USP15: variants seen among roughly 807,000 people sequenced by gnomAD.
USP15 encodes ubiquitin carboxyl-terminal hydrolase 15.
USP15 carries 18 observed loss-of-function variants against 127.1 expected under a neutral mutation model. The ratio of observed to expected loss-of-function variants is 0.14; its 90% CI spans 0.10 to 0.21. The LOEUF (loss-of-function observed/expected upper bound fraction) is 0.21, where lower values mean the gene tolerates loss of function less well. Among genes scored for constraint, USP15 ranks in the 10% least tolerant of loss-of-function variants. The probability of loss-of-function intolerance (pLI) is 1.00; values close to 1 mark genes in which losing one functional copy is unlikely to be tolerated. For synonymous variants in USP15, 364 were observed against 393.7 expected (o/e 0.92, Z 0.89); for missense variants, 805 against 1,159.9 (o/e 0.69, Z 4.44).
intron 8 of USP15, among the ~76,000 whole-genome samples, chr12:62,370,847 C>T (rs964381467): frequency 6.6e-6 from 1 of 152,136 alleles, no homozygotes; most frequent in Non-Finnish European, 1.5e-5. Flanking sequence ...CTCAAGATGC[C>T]TACTTACACT....
intron 3 of USP15, among the ~76,000 whole-genome samples, chr12:62,307,121 T>C (rs1030148306): frequency 6.6e-6 from 1 of 152,104 alleles, no homozygotes; most frequent in African/African-American, 2.4e-5. Flanking sequence ...TAAGATCCAG[T>C]GGAGACCTAC....
At chr12:62,328,206 C>A in intron 6 of USP15, 1 of 380,992 alleles carries the variant, frequency 2.6e-6, no homozygotes, top group Non-Finnish European at 5.3e-6. Flanking sequence ...GAAAATTCAG[C>A]AAGGTTGTCT....
At chr12:62,396,430 C>G in intron 20 of USP15, 32 bp downstream of exon 20, 1 of 1,587,346 alleles carries the variant, frequency 6.3e-7, no homozygotes, top group Non-Finnish European at 8.6e-7. Flanking sequence ...TTACCCAAAT[C>G]ATGGTGTTTG....
At chr12:62,294,442 CATT>C in intron 2 of USP15, 136 bp downstream of exon 2, 1 of 893,406 alleles carries the variant, frequency 1.1e-6, no homozygotes. Flanking sequence ...CTAATGAACT[CATT>C]ATTCTAATAA....
chr12:62,411,347 G>T lies in USP15; in HGVS notation c.*6972G>T, dbSNP rs1273133776. ...AACCATCTGTTCTGTATCTGTTAAGGCCTCTAGAGCTTCATTCATTCCTTC... is the reference window on the plus strand; with the variant it reads ...AACCATCTGTTCTGTATCTGTTAAGTCCTCTAGAGCTTCATTCATTCCTTC... On this transcript the variant is annotated 3_prime_UTR_variant, in exon 22 of 22. Coordinates refer to ENST00000280377, the MANE Select transcript of USP15 (RefSeq NM_001252078.2). The T allele has an allele frequency of 6.6e-6, 1 of 152,094 alleles. No homozygotes were observed. Among genetic ancestry groups the T allele is most frequent in the South Asian group, 2.1e-4 (1 of 4,820 alleles). 9.4% of individuals were successfully genotyped at this position (152,094 alleles called of 1,614,324 possible).
At chr12:62,267,597 C>T (rs1010725958) in intron 1 of USP15, among the ~76,000 whole-genome samples, 1 of 151,976 alleles carries the variant, frequency 6.6e-6, no homozygotes, top group African/African-American at 2.4e-5. Context: ...GCTAACTGTC[C>T]CTTCCATTCT....
At chr12:62,264,417 TTA>T (rs1239250452) in intron 1 of USP15, among the ~76,000 whole-genome samples, 1 of 152,236 alleles carries the variant, frequency 6.6e-6, no homozygotes, top group East Asian at 1.9e-4. Flanking sequence ...TCAGTAATTT[TTA>T]TGTGTGATTA....
intron 20 of USP15, among the ~76,000 whole-genome samples, chr12:62,397,336 A>T (rs2067523210): frequency 6.6e-6 from 1 of 152,212 alleles, no homozygotes; most frequent in South Asian, 2.1e-4. Flanking sequence ...AGTCTAGTAG[A>T]ATTAACCTGT....
rs562889056 is a variant in USP15, at chr12:62,305,672, G to A, written c.348+2752G>A. The stretch of plus-strand genomic sequence containing the variant: ...GAAAACATTAATAATAATTTTTATG[G>A]AGTTGAAAATGTGTATAGAATTAAC... On this transcript the variant is annotated intron_variant, in intron 3 of 21. Coordinates refer to ENST00000280377, the MANE Select transcript of USP15 (RefSeq NM_001252078.2). The A allele has an allele frequency of 2.5e-4, 38 of 152,230 alleles. 1 individual carries two copies. The highest frequency in any genetic ancestry group is 5.9e-4 in the Admixed American group (9 of 15,290). 9.4% of individuals were successfully genotyped at this position (152,230 alleles called of 1,614,324 possible).
Position 62,407,351 on chromosome 12 carries a change from G to A in USP15, c.*2976G>A, listed in dbSNP as rs1177295446. On this transcript the variant is annotated 3_prime_UTR_variant, in exon 22 of 22. Coordinates refer to ENST00000280377, the MANE Select transcript of USP15 (RefSeq NM_001252078.2). ...ATACTACCTCTCACTGTGTTATAGT[G>A]TCTGCCTCATAGGATTGTTGAGAGC... 3 of 152,140 alleles carry A rather than the reference G, an allele frequency of 2.0e-5. No homozygotes were observed. Among genetic ancestry groups the A allele is most frequent in the Non-Finnish European group, 4.4e-5 (3 of 68,026 alleles). 9.4% of individuals were successfully genotyped at this position (152,140 alleles called of 1,614,324 possible). A position where few individuals can be genotyped will look rare whatever the true frequency, so the allele number is the denominator to read the frequency against.
intron 4 of USP15, among the ~76,000 whole-genome samples, chr12:62,320,190 G>A (rs545248810): frequency 1.3e-5 from 2 of 152,186 alleles, no homozygotes; most frequent in African/African-American, 4.8e-5. Flanking sequence ...TGTGTTGGAG[G>A]AGGTGCCTGC....
At chr12:62,293,562 G>T (rs1282561591) in intron 1 of USP15, among the ~76,000 whole-genome samples, 1 of 152,042 alleles carries the variant, frequency 6.6e-6, no homozygotes, top group Non-Finnish European at 1.5e-5. Context: ...CACGATGTTG[G>T]CCAGGCTGGT....
chr12:62,347,935 A>G (rs1288678195), intron 6 of USP15, among the ~76,000 whole-genome samples: 1 of 152,174 alleles, frequency 6.6e-6, no homozygotes, highest in African/African-American at 2.4e-5. Context: ...GCAGCCTGTA[A>G]TCACACCTGT....
At chr12:62,275,937 A>G (rs996551222) in intron 1 of USP15, among the ~76,000 whole-genome samples, 2 of 152,082 alleles carry the variant, frequency 1.3e-5, no homozygotes, top group East Asian at 1.9e-4. Context: ...AGGGTATGCT[A>G]TGGACATGGT....
rs17126124 is a variant in USP15 at position 62,335,473 on chromosome 12, C to G, written c.683+9540C>G. The G allele has an allele frequency of 4.5e-3, 5,791 of 1,278,112 alleles. 222 individuals carry two copies. The African/African-American group carries it at 0.079, about 18-fold the overall frequency. 79.2% of individuals were successfully genotyped at this position (1,278,112 alleles called of 1,614,324 possible). A position where few individuals can be genotyped will look rare whatever the true frequency, so the allele number is the denominator to read the frequency against. ...GATCACCTTACTATTTAAGGACAGT[C>G]CCTCTACTCTACCTGTAGTATTTAT... On this transcript the variant is annotated intron_variant, in intron 6 of 21. Transcript: ENST00000280377.
intron 6 of USP15, among the ~76,000 whole-genome samples, chr12:62,341,113 C>G (rs1219077816): frequency 1.3e-5 from 2 of 152,088 alleles, no homozygotes; most frequent in Admixed American, 1.3e-4. Flanking sequence ...GCATTGATCC[C>G]TTTACCGTTA....
At chr12:62,272,891 C>T (rs909868684) in intron 1 of USP15, among the ~76,000 whole-genome samples, 7 of 151,990 alleles carry the variant, frequency 4.6e-5, no homozygotes, top group Admixed American at 1.3e-4. Flanking sequence ...TGTATTTGAT[C>T]GTTCCAGTAA....
intron 6 of USP15, among the ~76,000 whole-genome samples, chr12:62,348,775 C>G (rs529896358): frequency 4.0e-5 from 6 of 151,894 alleles, no homozygotes; most frequent in Non-Finnish European, 7.4e-5. Context: ...CTATTTTGTC[C>G]CCATTGCCTT....
rs1052512762 is a variant in USP15 at position 62,302,846 on chromosome 12, T to C, written c.274T>C (p.Leu92=). 4 of 1,613,124 alleles carry C rather than the reference T, an allele frequency of 2.5e-6. No homozygotes were observed. The highest frequency in any genetic ancestry group is 2.2e-5 in the East Asian group (1 of 44,836). ...HLIDELDYIL[L]PTEGWNKLVS... is the part of the protein sequence containing the mutation. Reference sequence around the variant, plus strand: ...TATTGATGAATTGGATTACATACTGTTGCCAACTGAAGGTTGGAATAAACT... The same window carrying C: ...TATTGATGAATTGGATTACATACTGCTGCCAACTGAAGGTTGGAATAAACT... The change falls in exon 3 of 22, where the codon TTG becomes CTG. Residue 92 remains leucine (L), a synonymous_variant. Transcript: ENST00000280377.
Sources: allele counts gnomAD v4.1 joint callset (sites outside exome capture counted in the v4.1 genomes callset), GRCh38; gene constraint gnomAD v4.1.1; transcripts MANE v1.5; gene names NCBI Gene and HGNC (gene_info 2026-07-23, HGNC 2026-07-21).